Variants in GRM1 observed in about 807,000 individuals in gnomAD.
The protein encoded by GRM1 is metabotropic glutamate receptor 1.
A neutral mutation model predicts 90.9 loss-of-function variants in GRM1; 33 were observed. The ratio of observed to expected loss-of-function variants is 0.36; its 90% CI spans 0.28 to 0.49. The LOEUF (loss-of-function observed/expected upper bound fraction) is 0.49. Among genes scored for constraint, GRM1 ranks in the 20% least tolerant of loss-of-function variants. GRM1 has a pLI of 0.99. For synonymous variants in GRM1, 700 were observed against 613.2 expected, an observed-to-expected ratio of 1.14 and a Z score of -2.09; for missense variants, 1,190 against 1,534.3, an observed-to-expected ratio of 0.78 and a Z score of 3.75.
At chr6:146,376,418 T>G (rs563360949) in intron 5 of GRM1, among the ~76,000 whole-genome samples, 90 of 152,276 alleles carry the variant, frequency 5.9e-4, no homozygotes, top group African/African-American at 2.1e-3. Flanking sequence ...CTTTTCTTTC[T>G]GATGGAAGTA....
intron 1 of GRM1, among the ~76,000 whole-genome samples, chr6:146,149,456 A>C (rs1777236234): frequency 6.6e-6 from 1 of 152,186 alleles, no homozygotes; most frequent in Non-Finnish European, 1.5e-5. Context: ...AGACGTGGAG[A>C]ATATTCCCTG....
chr6:146,252,603 A>C (rs943597567), intron 2 of GRM1, among the ~76,000 whole-genome samples: 5 of 151,456 alleles, frequency 3.3e-5, no homozygotes, highest in Non-Finnish European at 7.4e-5. Flanking sequence ...GACAGAGCAA[A>C]CCTCCAACTC....
intron 3 of GRM1, among the ~76,000 whole-genome samples, chr6:146,321,242 T>C (rs1347722248): frequency 6.6e-6 from 1 of 152,220 alleles, no homozygotes; most frequent in African/African-American, 2.4e-5. Context: ...CAGTAGTCAT[T>C]CAGGAGCAGG....
intron 2 of GRM1, among the ~76,000 whole-genome samples, chr6:146,260,804 GTTTTTTTTTTTTTTTT>G (rs56956724): frequency 8.4e-4 from 19 of 22,744 alleles, no homozygotes; most frequent in Admixed American, 2.0e-3. Context: ...GGTTATTTGG[GTTTTTTTTTTTTTTTT>G]TTTTTTTTTT....
At chr6:146,256,839 A>G (rs1781497946) in intron 2 of GRM1, among the ~76,000 whole-genome samples, 1 of 152,158 alleles carries the variant, frequency 6.6e-6, no homozygotes, top group African/African-American at 2.4e-5. Flanking sequence ...CTTTACAACC[A>G]GAAAAGCTGC....
intron 2 of GRM1, among the ~76,000 whole-genome samples, chr6:146,290,542 TAG>T (rs1368762302): frequency 6.6e-6 from 1 of 152,148 alleles, no homozygotes; most frequent in Non-Finnish European, 1.5e-5. Context: ...CCTGTAACCA[TAG>T]GGAATTATTC....
chr6:146,190,277 A>G (rs138505016), intron 2 of GRM1, among the ~76,000 whole-genome samples: 9 of 152,350 alleles, frequency 5.9e-5, no homozygotes, highest in African/African-American at 2.2e-4. Flanking sequence ...ACAAATAAGC[A>G]TGGAGTCTGA....
chr6:146,434,866 GCTGGGAGGAAAAGC>G lies in GRM1; in HGVS notation c.*78_*91del, dbSNP rs1314749812. ...CCACACCTCCAGAGATGTGCAAACA[GCTGGGAGGAAAAGC>G]CTGGGAGTGGGGGGCCTCGTCGGGA... On this transcript the variant is annotated 3_prime_UTR_variant, in exon 8 of 8. Coordinates refer to ENST00000282753, the MANE Select transcript of GRM1 (RefSeq NM_001278064.2). 3.6e-6 allele frequency: 5 copies of G among 1,372,642 alleles called. No homozygotes were observed. The highest frequency in any genetic ancestry group is 2.8e-5 in the African/African-American group (2 of 70,454). The allele number at this position is 1,372,642 out of a possible 1,614,324, so 85.0% of individuals were successfully genotyped here.
chr6:146,084,183 C>A (rs1305423459), intron 1 of GRM1, among the ~76,000 whole-genome samples: 3 of 151,764 alleles, frequency 2.0e-5, no homozygotes, highest in East Asian at 3.9e-4. Flanking sequence ...TTTCAAAAAA[C>A]CAGCTCCTGG....
chr6:146,159,163 A>T (rs1173020883), intron 1 of GRM1, among the ~76,000 whole-genome samples, 185 bp from the exon 2 acceptor site: 2 of 152,140 alleles, frequency 1.3e-5, no homozygotes, highest in African/African-American at 4.8e-5. Flanking sequence ...CACAGAGTTG[A>T]TTGTCTGGTT....
At chr6:146,237,015 G>T (rs895017952) in intron 2 of GRM1, among the ~76,000 whole-genome samples, 1 of 152,068 alleles carries the variant, frequency 6.6e-6, no homozygotes, top group Non-Finnish European at 1.5e-5. Context: ...AGTAAAATTT[G>T]TCTCACTGGC....
intron 2 of GRM1, among the ~76,000 whole-genome samples, chr6:146,236,596 C>T (rs1780654012): frequency 6.6e-6 from 1 of 152,058 alleles, no homozygotes. Context: ...CTTCTTCTCC[C>T]TTCAATAGGC....
intron 5 of GRM1, among the ~76,000 whole-genome samples, chr6:146,385,617 G>A (rs1185723042): frequency 6.6e-6 from 1 of 151,712 alleles, no homozygotes; most frequent in African/African-American, 2.4e-5. Flanking sequence ...CCTAAACAAA[G>A]TAATTAAAAG....
intron 1 of GRM1, among the ~76,000 whole-genome samples, chr6:146,042,540 G>A (rs558641030): frequency 4.6e-5 from 7 of 152,124 alleles, no homozygotes; most frequent in African/African-American, 1.4e-4. Flanking sequence ...TTTTCTCTGC[G>A]TGGTGATGTA....
chr6:146,039,175 A>G (rs1488267033), intron 1 of GRM1, among the ~76,000 whole-genome samples: 1 of 151,950 alleles, frequency 6.6e-6, no homozygotes, highest in Non-Finnish European at 1.5e-5. Context: ...GCTAAGTGCA[A>G]CCATAGGAGT....
At chr6:146,183,677 TTAAG>T (rs1397701141) in intron 2 of GRM1, among the ~76,000 whole-genome samples, 3 of 152,176 alleles carry the variant, frequency 2.0e-5, no homozygotes, top group Non-Finnish European at 4.4e-5. Flanking sequence ...TGTGTCTTTC[TTAAG>T]TAACTGTGCG....
chr6:146,157,953 A>G (rs908171331), intron 1 of GRM1, among the ~76,000 whole-genome samples: 2 of 152,190 alleles, frequency 1.3e-5, no homozygotes, highest in African/African-American at 4.8e-5. Context: ...AGAGAAGAGT[A>G]AGGATGAAAT....
At chr6:146,049,427 C>T (rs896779652) in intron 1 of GRM1, among the ~76,000 whole-genome samples, 5 of 152,120 alleles carry the variant, frequency 3.3e-5, no homozygotes, top group South Asian at 2.1e-4. Context: ...CCAGGATTTA[C>T]GACTTTGAAC....
intron 2 of GRM1, among the ~76,000 whole-genome samples, chr6:146,247,775 G>T (rs1781116493): frequency 7.3e-6 from 1 of 137,402 alleles, no homozygotes; most frequent in Non-Finnish European, 1.5e-5. Flanking sequence ...AAGGAAATGT[G>T]TGTGGTGTGT....
Sources: gnomAD v4.1 joint callset for allele counts (sites outside exome capture counted in the v4.1 genomes callset) on GRCh38, gnomAD v4.1.1 for gene constraint, MANE v1.5 for transcripts, NCBI Gene and HGNC (gene_info 2026-07-23, HGNC 2026-07-21) for gene names.